The following GREB1L variants were observed in gnomAD, a reference collection of about 807,000 sequenced individuals.
GREB1L encodes the protein GREB1 like retinoic acid receptor coactivator, also known as GREB1-like protein.
GREB1L carries 17 observed loss-of-function variants against 200.8 expected under a neutral mutation model. That is an observed-to-expected ratio of 0.08 (90% CI 0.06 to 0.13). GREB1L has a LOEUF of 0.13. Among genes scored for constraint, GREB1L ranks in the 10% least tolerant of loss-of-function variants. The pLI, the probability that GREB1L is intolerant of heterozygous loss-of-function variation, is 1.00. For missense variants in GREB1L, 1,657 were observed against 2,367.7 expected (o/e 0.70, Z 6.23); for synonymous variants, 789 against 893.0 (o/e 0.88, Z 2.08).
chr18:21,330,454 A>G (rs2039091038), intron 1 of GREB1L, among the ~76,000 whole-genome samples: 1 of 152,144 alleles, frequency 6.6e-6, no homozygotes, highest in Admixed American at 6.5e-5. Flanking sequence ...GTGCGCTCTT[A>G]CCACCACTTA....
intron 4 of GREB1L, among the ~76,000 whole-genome samples, chr18:21,389,349 T>C (rs1190670374): frequency 6.8e-6 from 1 of 148,044 alleles, no homozygotes; most frequent in East Asian, 1.9e-4. Flanking sequence ...TTTTTTTTTT[T>C]TTCATCAAAT....
At chr18:21,432,747 G>A (rs190065122) in intron 7 of GREB1L, among the ~76,000 whole-genome samples, 2 of 123,346 alleles carry the variant, frequency 1.6e-5, no homozygotes, top group Admixed American at 1.1e-4. Context: ...CGCTCTGTCA[G>A]CCAGGCTGGA....
intron 1 of GREB1L, among the ~76,000 whole-genome samples, chr18:21,306,545 T>C (rs1257266022): frequency 6.6e-6 from 1 of 152,226 alleles, no homozygotes; most frequent in Admixed American, 6.5e-5. Flanking sequence ...AGTGTACTCC[T>C]TGCAGATAAG....
intron 1 of GREB1L, among the ~76,000 whole-genome samples, chr18:21,340,188 C>T (rs1417967717): frequency 1.3e-5 from 2 of 152,028 alleles, no homozygotes; most frequent in Non-Finnish European, 2.9e-5. Flanking sequence ...GAGGCTGAGG[C>T]GGGCAGATCA....
intron 1 of GREB1L, among the ~76,000 whole-genome samples, chr18:21,312,228 G>T (rs1567932348): frequency 6.6e-6 from 1 of 152,156 alleles, no homozygotes; most frequent in Non-Finnish European, 1.5e-5. Flanking sequence ...TTCTACCATT[G>T]ATGGGCATTT....
In GREB1L at chr18:21,496,362, C is replaced by T. The variant is rs2036544013; in HGVS notation, c.3147-92C>T. The T allele has an allele frequency of 5.8e-6, 8 of 1,369,410 alleles. No homozygotes were observed. In the East Asian group the frequency reaches 2.0e-4, roughly 34 times the overall value. The allele number at this position is 1,369,410 out of a possible 1,614,324, so 84.8% of individuals were successfully genotyped here. A position where few individuals can be genotyped will look rare whatever the true frequency, so the allele number is the denominator to read the frequency against. On this transcript the variant is annotated intron_variant, in intron 20 of 32. Coordinates refer to ENST00000424526, the MANE Select transcript of GREB1L (RefSeq NM_001142966.3). ...CTGGCACTGAAACCTATGATTTTAACTGCTGTGTGTTGCATCCAGATCACC... is the reference window on the plus strand; with the variant it reads ...CTGGCACTGAAACCTATGATTTTAATTGCTGTGTGTTGCATCCAGATCACC...
At chr18:21,302,338 A>C (rs953714834) in intron 1 of GREB1L, among the ~76,000 whole-genome samples, 1 of 152,208 alleles carries the variant, frequency 6.6e-6, no homozygotes, top group African/African-American at 2.4e-5. Context: ...TCAAAAGACA[A>C]AATTACAACA....
chr18:21,386,477 G>C (rs1256633888), intron 4 of GREB1L, among the ~76,000 whole-genome samples: 1 of 151,760 alleles, frequency 6.6e-6, no homozygotes, highest in African/African-American at 2.4e-5. Context: ...TTTTAGTAGA[G>C]ATGGGGTTTC....
At chr18:21,290,043 T>C (rs189988844) in intron 1 of GREB1L, among the ~76,000 whole-genome samples, 97 of 152,364 alleles carry the variant, frequency 6.4e-4, no homozygotes, top group Non-Finnish European at 1.2e-3. Flanking sequence ...GCCTTGTCTC[T>C]GTGATTGCTG....
At chr18:21,305,463 T>A (rs2038684921) in intron 1 of GREB1L, among the ~76,000 whole-genome samples, 1 of 152,226 alleles carries the variant, frequency 6.6e-6, no homozygotes, top group Non-Finnish European at 1.5e-5. Flanking sequence ...TTTTATTTTT[T>A]CTTTCTCTAA....
intron 1 of GREB1L, among the ~76,000 whole-genome samples, chr18:21,288,058 C>A (rs531221261): frequency 3.2e-4 from 49 of 152,210 alleles, no homozygotes; most frequent in African/African-American, 1.2e-3. Context: ...CCACCTTAGC[C>A]TCCCATAGTG....
intron 1 of GREB1L, among the ~76,000 whole-genome samples, chr18:21,305,486 T>C (rs1157118337): frequency 6.6e-6 from 1 of 152,196 alleles, no homozygotes; most frequent in Non-Finnish European, 1.5e-5. Context: ...AGATCCTTCA[T>C]TCAATCTGCT....
Position 21,384,395 on chromosome 18 carries a change from C to T in GREB1L, c.347C>T (p.Thr116Ile), listed in dbSNP as rs1333304296. The change falls in exon 4 of 33, where the codon ACT (threonine) becomes ATT (isoleucine). Residue 116 changes from threonine to isoleucine, a missense_variant. Thr to Ile is a moderately conservative substitution (Grantham distance 89). Transcript: ENST00000424526. ...SQKPAPEGSC[T>I]TDGFCQAGKD... is the part of the protein sequence containing the mutation. ...AAACCTGCCCCAGAAGGATCTTGCA[C>T]TACAGATGGTGGGTTTCAGTTGTGT... 5 of 1,547,800 alleles carry T rather than the reference C, an allele frequency of 3.2e-6. No homozygotes were observed. Among genetic ancestry groups the T allele is most frequent in the Middle Eastern group, 1.7e-4 (1 of 5,984 alleles).
chr18:21,459,892 G>A (rs962613899), intron 15 of GREB1L, among the ~76,000 whole-genome samples: 3 of 152,062 alleles, frequency 2.0e-5, no homozygotes, highest in Admixed American at 6.6e-5. Context: ...ATTGCTGTCC[G>A]GGGGATGGCC....
chr18:21,247,363 G>A (rs1481826622), intron 1 of GREB1L, among the ~76,000 whole-genome samples: 1 of 152,178 alleles, frequency 6.6e-6, no homozygotes, highest in African/African-American at 2.4e-5. Context: ...CTACAGTAGG[G>A]ACTGTAGCCA....
rs570206401 is a variant in GREB1L at position 21,323,942 on chromosome 18, G to A, written c.-119-42085G>A. ...AGGAATCAAAAACCAAATACAGCGT[G>A]TACTCACTTACAAGTGGAAACTAAC... On this transcript the variant is annotated intron_variant, in intron 1 of 32. Coordinates refer to ENST00000424526, the MANE Select transcript of GREB1L (RefSeq NM_001142966.3). 6.6e-5 allele frequency among the ~76,000 whole-genome samples: 10 copies of A among 152,258 alleles called. No individual in the cohort carries two copies. The East Asian group carries it at 1.9e-3, about 29-fold the overall frequency.
intron 27 of GREB1L, 148 bp downstream of exon 27, chr18:21,508,739 T>C (rs951593898): frequency 2.9e-6 from 2 of 680,472 alleles, no homozygotes; most frequent in Non-Finnish European, 5.0e-6. Flanking sequence ...AAAAAGCTTT[T>C]TGACTCTCCC....
At chr18:21,280,753 T>A (rs921115138) in intron 1 of GREB1L, among the ~76,000 whole-genome samples, 19 of 152,182 alleles carry the variant, frequency 1.2e-4, no homozygotes, top group Non-Finnish European at 2.9e-5. Flanking sequence ...TTCTCAGTTG[T>A]CTAATAATTC....
At chr18:21,346,044 T>G (rs913574944) in intron 1 of GREB1L, among the ~76,000 whole-genome samples, 1 of 152,064 alleles carries the variant, frequency 6.6e-6, no homozygotes, top group Non-Finnish European at 1.5e-5. Flanking sequence ...AGGCACTCAG[T>G]AAATACTCGT....
Sources: gnomAD v4.1 joint callset for allele counts (sites outside exome capture counted in the v4.1 genomes callset) on GRCh38, gnomAD v4.1.1 for gene constraint, MANE v1.5 for transcripts, NCBI Gene and HGNC (gene_info 2026-07-23, HGNC 2026-07-21) for gene names.